The following TNPO2 variants were observed in gnomAD, a reference collection of about 807,000 sequenced individuals.
The protein encoded by TNPO2 is transportin-2.
In TNPO2, 16 loss-of-function variants were observed where a neutral mutation model predicts 111.1. The ratio of observed to expected loss-of-function variants is 0.14; its 90% confidence interval spans 0.10 to 0.22. TNPO2 has a LOEUF of 0.22. Among genes scored for constraint, TNPO2 ranks in the 10% least tolerant of loss-of-function variants. The probability of loss-of-function intolerance (pLI) is 1.00; values close to 1 mark genes in which losing one functional copy is unlikely to be tolerated. For missense variants in TNPO2, 530 were observed against 1,173.7 expected, an observed-to-expected ratio of 0.45 and a Z score of 8.01; for synonymous variants, 481 against 475.8, an observed-to-expected ratio of 1.01 and a Z score of -0.14.
intron 5 of TNPO2, among the ~76,000 whole-genome samples, 152 bp downstream of exon 5, chr19:12,718,877 C>T (rs908546360): frequency 5.3e-5 from 8 of 152,098 alleles, no homozygotes; most frequent in African/African-American, 1.9e-4. Flanking sequence ...CCCTTAATAG[C>T]TCAGCGCCTC....
Position 12,702,060 on chromosome 19 carries a change from G to A in TNPO2, c.2411+12C>T, listed in dbSNP as rs1378823867. On this transcript the variant is annotated intron_variant, in intron 22 of 25. Transcript: ENST00000425528. This position sits in a 1 kb window ranked among gnomAD's most constrained non-coding sequence, Gnocchi z 5.5. ...GCCCACCACACAGCAGGCTTGACAC[G>A]TGGACACACACCAAGGCCGGATGAA... is the stretch of plus-strand genomic sequence containing the variant. 8.7e-6 allele frequency: 14 copies of A among 1,612,014 alleles called. No homozygotes were observed. Among genetic ancestry groups the A allele is most frequent in the African/African-American group, 4.0e-5 (3 of 74,902 alleles).
rs1170709026 is a variant in TNPO2, at chr19:12,723,919, A to G, written c.-281T>C. 6.6e-6 allele frequency: 1 copy of G among 152,262 alleles called. No individual in the cohort carries two copies. Among genetic ancestry groups the G allele is most frequent in the African/African-American group, 2.4e-5 (1 of 41,454 alleles). 9.4% of individuals were successfully genotyped at this position (152,262 alleles called of 1,614,324 possible). On this transcript the variant is annotated 5_prime_UTR_variant, in exon 1 of 26. Transcript: ENST00000425528. Reference sequence around the variant, plus strand: ...GAGCAGTTGGGATTCCGAGGTAGCCAGTTCCGCTGGACTGAAACCTGGGCT... The same window carrying G: ...GAGCAGTTGGGATTCCGAGGTAGCCGGTTCCGCTGGACTGAAACCTGGGCT...
At chr19:12,711,793 G>A (rs2026063932) in intron 10 of TNPO2, among the ~76,000 whole-genome samples, 180 bp from the exon 11 acceptor site, 1 of 151,984 alleles carries the variant, frequency 6.6e-6, no homozygotes, top group Admixed American at 6.6e-5. Context: ...TTTCCCTCTG[G>A]GGAATTATCG....
At chr19:12,722,560 T>TG (rs1967055834) in intron 2 of TNPO2, 2 of 39,510 alleles carry the variant, frequency 5.1e-5, no homozygotes, top group Non-Finnish European at 9.7e-5. Flanking sequence ...AGAGAGAGAA[T>TG]TAAAAAAAAA....
chr19:12,714,702 T>C (rs1239368340), intron 10 of TNPO2, 119 bp downstream of exon 10: 9 of 798,942 alleles, frequency 1.1e-5, no homozygotes, highest in Non-Finnish European at 1.9e-5. Flanking sequence ...AAATATATAC[T>C]GAATGTAAAC....
intron 12 of TNPO2, among the ~76,000 whole-genome samples, chr19:12,711,061 A>G (rs1271139627): frequency 6.6e-6 from 1 of 151,862 alleles, no homozygotes; most frequent in Non-Finnish European, 1.5e-5. Context: ...CGCCCGACTA[A>G]TTTTTTGTAT....
intron 2 of TNPO2, 137 bp downstream of exon 2, chr19:12,723,112 C>T (rs1209787557): frequency 1.3e-5 from 2 of 152,172 alleles, no homozygotes; most frequent in Non-Finnish European, 2.9e-5. Flanking sequence ...AAGCCTCTGC[C>T]ACTTTTTGCA....
At chr19:12,723,155 A>C (rs1310499280) in intron 2 of TNPO2, 94 bp downstream of exon 2, 10 of 152,222 alleles carry the variant, frequency 6.6e-5, no homozygotes, top group Non-Finnish European at 1.5e-4. Flanking sequence ...AGTTTTTACA[A>C]GGAGATGAAA....
Position 12,699,817 on chromosome 19 carries a change from G to A in TNPO2, c.*1447C>T, listed in dbSNP as rs1703858811. The stretch of plus-strand genomic sequence containing the variant: ...TATGGAAAGACACAGGGCTTGGATG[G>A]AGGGTCTGGCGCCCAGGAGGGATGG... On this transcript the variant is annotated 3_prime_UTR_variant, in exon 26 of 26. Transcript: ENST00000425528. 6.6e-6 allele frequency: 1 copy of A among 152,558 alleles called. No homozygotes were observed. The highest frequency in any genetic ancestry group is 6.5e-5 in the Admixed American group (1 of 15,270). 9.5% of individuals were successfully genotyped at this position (152,558 alleles called of 1,614,324 possible).
intron 5 of TNPO2, among the ~76,000 whole-genome samples, chr19:12,717,268 CTTTTT>C (rs554725285): frequency 2.5e-5 from 3 of 122,378 alleles, no homozygotes; most frequent in Admixed American, 8.1e-5. Flanking sequence ...CTTTTTCTCT[CTTTTT>C]TTTTTTTTTT....
chr19:12,716,071 A>G (rs1387575914), intron 5 of TNPO2, among the ~76,000 whole-genome samples: 2 of 151,162 alleles, frequency 1.3e-5, no homozygotes, highest in Non-Finnish European at 3.0e-5. Flanking sequence ...GGATCTCACT[A>G]TGTTGCCCAG....
At chr19:12,710,980 C>T (rs1391866229) in intron 12 of TNPO2, among the ~76,000 whole-genome samples, 3 of 152,156 alleles carry the variant, frequency 2.0e-5, no homozygotes, top group Non-Finnish European at 2.9e-5. Context: ...CTGCAAGCTC[C>T]GCCTCCTGGG....
At position 12,711,370 on chromosome 19, in the gene TNPO2, T is replaced by C. The variant is rs1438404503; in HGVS notation, c.1043A>G (p.Glu348Gly). ...CTCGGAGCCATCAGGCCGCTCAGCC[T>C]CGTGGGGCAGTGTGACCGTGCGTGA... is the stretch of plus-strand genomic sequence containing the variant. ...HKSRTVTLPHEAERPDGSEDA... is the reference protein window; with the variant it reads ...HKSRTVTLPHGAERPDGSEDA... Residue 348 changes from glutamate (E) to glycine (G), a missense_variant, in exon 12 of 26, where the codon GAG becomes GGG. This residue lies in a region of TNPO2 where 88 missense variants were observed against 130.2 expected (regional missense o/e 0.68). Transcript: ENST00000425528. The C allele has an allele frequency of 6.2e-7, 1 of 1,614,020 alleles. No homozygotes were observed. Among genetic ancestry groups the C allele is most frequent in the Non-Finnish European group, 8.5e-7 (1 of 1,179,892 alleles).
chr19:12,722,338 G>C (rs1398323302), intron 2 of TNPO2: 1 of 150,512 alleles, frequency 6.6e-6, no homozygotes. Flanking sequence ...CAGGAGGATC[G>C]GGCCCAACCG....
chr19:12,700,524 C>T lies in TNPO2; in HGVS notation c.*740G>A, dbSNP rs1040306623. On this transcript the variant is annotated 3_prime_UTR_variant, in exon 26 of 26. Transcript: ENST00000425528. ...GGCTAGGATAAGGACGGAGACACCA[C>T]CAGCTGAGGCTGCAACAAAGCTGGC... 4 of 152,336 alleles carry T rather than the reference C, an allele frequency of 2.6e-5. No homozygotes were observed. The highest frequency in any genetic ancestry group is 9.7e-5 in the African/African-American group (4 of 41,440). 9.4% of individuals were successfully genotyped at this position (152,336 alleles called of 1,614,324 possible).
At chr19:12,716,719 A>C (rs2026382931) in intron 5 of TNPO2, among the ~76,000 whole-genome samples, 1 of 152,198 alleles carries the variant, frequency 6.6e-6, no homozygotes, top group Non-Finnish European at 1.5e-5. Context: ...AAAGGGCTGT[A>C]GGTGAAGGTA....
In TNPO2 at chr19:12,711,546, G is replaced by A; in HGVS notation, c.951+7C>T. ...TGCCCACCCATGCTGGGTGGGCCCT[G>A]CCTGACCTTGAGCAGGATGATGTCA... is the stretch of plus-strand genomic sequence containing the variant. On this transcript the variant is annotated splice_region_variant and intron_variant, in intron 11 of 25. Transcript: ENST00000425528. 6.2e-7 allele frequency: 1 copy of A among 1,613,922 alleles called. No homozygotes were observed. The highest frequency in any genetic ancestry group is 8.5e-7 in the Non-Finnish European group (1 of 1,179,854).
At chr19:12,707,623 G>C (rs964853791) in intron 13 of TNPO2, among the ~76,000 whole-genome samples, 2 of 150,376 alleles carry the variant, frequency 1.3e-5, no homozygotes, top group Non-Finnish European at 3.0e-5. Flanking sequence ...CAAGTAGCTG[G>C]GACTGCAGGC....
chr19:12,706,634 G>T lies in TNPO2; in HGVS notation c.1432C>A (p.Leu478Met). The T allele has an allele frequency of 6.2e-7, 1 of 1,614,034 alleles. No individual in the cohort carries two copies. The highest frequency in any genetic ancestry group is 8.5e-7 in the Non-Finnish European group (1 of 1,179,912). ...SQPPDMHLKP[L>M]MTELLKRILD... is the part of the protein sequence containing the mutation. The stretch of plus-strand genomic sequence containing the variant: ...ATGCGTTTGAGCAGCTCTGTCATCA[G>T]GGGCTTGAGGTGCATGTCGGGTGGC... The change falls in exon 14 of 26, where the codon CTG becomes ATG. Residue 478 changes from leucine to methionine, a missense_variant. This residue lies in a region of TNPO2 where 183 missense variants were observed against 481.0 expected (regional missense o/e 0.38). Coordinates refer to ENST00000425528, the MANE Select transcript of TNPO2 (RefSeq NM_001382241.1). The surrounding 1 kb of genome is among the most constrained non-coding windows in gnomAD (Gnocchi z 7.0).
Sources: allele counts gnomAD v4.1 joint callset (sites outside exome capture counted in the v4.1 genomes callset), GRCh38; gene constraint gnomAD v4.1.1; regional missense constraint gnomAD v4.1.1; non-coding constraint Gnocchi (gnomAD v3.1); transcripts MANE v1.5; gene names NCBI Gene and HGNC (gene_info 2026-07-23, HGNC 2026-07-21).